The following GRM1 variants were observed in gnomAD, a reference collection of about 807,000 sequenced individuals.
GRM1 encodes glutamate metabotropic receptor 1.
A neutral mutation model predicts 90.9 loss-of-function variants in GRM1; 33 were observed. The ratio of observed to expected loss-of-function variants is 0.36; its 90% CI spans 0.28 to 0.49. The LOEUF is 0.49. Ranked by LOEUF, GRM1 falls within the 20% of genes least tolerant of loss-of-function variation. GRM1 has a pLI of 0.99. For synonymous variants in GRM1, 700 were observed against 613.2 expected, an observed-to-expected ratio of 1.14 and a Z score of -2.09; for missense variants, 1,190 against 1,534.3, an observed-to-expected ratio of 0.78 and a Z score of 3.75.
chr6:146,377,578 G>A (rs1380958619), intron 5 of GRM1, among the ~76,000 whole-genome samples: 1 of 152,134 alleles, frequency 6.6e-6, no homozygotes, highest in Non-Finnish European at 1.5e-5. Flanking sequence ...AAGTTTGGAA[G>A]ATTTGCAGCC....
intron 7 of GRM1, among the ~76,000 whole-genome samples, chr6:146,400,815 A>G (rs1245741976): frequency 6.6e-6 from 1 of 152,212 alleles, no homozygotes; most frequent in Non-Finnish European, 1.5e-5. Context: ...ACACATTGTT[A>G]ATAATCATTC....
intron 2 of GRM1, among the ~76,000 whole-genome samples, chr6:146,214,098 C>T (rs977166471): frequency 6.6e-5 from 10 of 152,018 alleles, no homozygotes; most frequent in African/African-American, 9.7e-5. Context: ...TTGAATGGTG[C>T]CTGGCCACTT....
chr6:146,144,123 C>T (rs1562490507), intron 1 of GRM1, among the ~76,000 whole-genome samples: 1 of 152,158 alleles, frequency 6.6e-6, no homozygotes, highest in African/African-American at 2.4e-5. Context: ...AATTTGGTGT[C>T]TGGTGAGAGC....
intron 7 of GRM1, among the ~76,000 whole-genome samples, chr6:146,425,581 T>C (rs1304298813): frequency 2.0e-5 from 3 of 152,184 alleles, no homozygotes; most frequent in Non-Finnish European, 4.4e-5. Flanking sequence ...ATAGAGAACA[T>C]TGATGAGTTT....
chr6:146,380,976 G>T (rs1008325189), intron 5 of GRM1, among the ~76,000 whole-genome samples: 5 of 152,128 alleles, frequency 3.3e-5, no homozygotes, highest in African/African-American at 1.2e-4. Flanking sequence ...TCCTGCTGTG[G>T]CTTAGCTGGT....
At chr6:146,223,159 A>G (rs1780128706) in intron 2 of GRM1, among the ~76,000 whole-genome samples, 1 of 152,074 alleles carries the variant, frequency 6.6e-6, no homozygotes. Context: ...ATACTCAGGT[A>G]TTGTAAAGAG....
chr6:146,077,615 G>A (rs147906574), intron 1 of GRM1, among the ~76,000 whole-genome samples: 6 of 152,272 alleles, frequency 3.9e-5, no homozygotes, highest in African/African-American at 1.4e-4. Context: ...GCCAATTACC[G>A]ACTGATTACA....
chr6:146,312,829 C>T (rs147277456), intron 3 of GRM1, among the ~76,000 whole-genome samples: 83 of 152,326 alleles, frequency 5.4e-4, no homozygotes, highest in Non-Finnish European at 1.0e-3. Flanking sequence ...TATGAGCCAA[C>T]GCTGCCAGCT....
intron 1 of GRM1, among the ~76,000 whole-genome samples, chr6:146,043,796 T>TATATATATATATATATATATAG (rs1554260527): frequency 6.5e-4 from 90 of 137,930 alleles, no homozygotes; most frequent in Middle Eastern, 3.8e-3. Context: ...TATATATATA[T>TATATATATATATATATATATAG]ATATATATAT....
chr6:146,343,322 TA>T (rs979190458), intron 3 of GRM1, among the ~76,000 whole-genome samples: 6 of 152,160 alleles, frequency 3.9e-5, no homozygotes, highest in African/African-American at 1.4e-4. Flanking sequence ...TATGGCTTTT[TA>T]AAAAAATGCT....
At chr6:146,275,450 T>A (rs182438547) in intron 2 of GRM1, among the ~76,000 whole-genome samples, 21 of 152,218 alleles carry the variant, frequency 1.4e-4, no homozygotes, top group Admixed American at 2.6e-4. Context: ...GTTCATTTCA[T>A]GGACTCCTCA....
rs568893544 is a variant in GRM1, at chr6:146,228,265, G to T, written c.950+68668G>T. On this transcript the variant is annotated intron_variant, in intron 2 of 7. Transcript: ENST00000282753. ...AAAGAAAAGAAATTTGTTTATTACA[G>T]TTCTGGAGGACAGAATGTCCCAGAG... Among the ~76,000 whole-genome samples the T allele has an allele frequency of 7.2e-5, 11 of 152,252 alleles. No homozygotes were observed. In the South Asian group the frequency reaches 2.3e-3, roughly 32 times the overall value.
intron 2 of GRM1, chr6:146,171,531 C>T (rs915376737): frequency 4.5e-6 from 1 of 220,182 alleles, no homozygotes; most frequent in African/African-American, 2.3e-5. Context: ...CCCGTGACAA[C>T]CCAGCTGTTA....
intron 3 of GRM1, among the ~76,000 whole-genome samples, chr6:146,329,687 A>G (rs1300782272): frequency 3.3e-5 from 5 of 152,212 alleles, no homozygotes; most frequent in South Asian, 2.1e-4. Context: ...TGAAAGTACT[A>G]TAAATCAAAA....
intron 2 of GRM1, among the ~76,000 whole-genome samples, chr6:146,246,218 C>T (rs1446968833): frequency 6.6e-6 from 1 of 152,202 alleles, no homozygotes; most frequent in Non-Finnish European, 1.5e-5. Context: ...CCTTCAACAA[C>T]TTAGCAACAG....
At chr6:146,145,506 G>A (rs1443323237) in intron 1 of GRM1, among the ~76,000 whole-genome samples, 1 of 152,150 alleles carries the variant, frequency 6.6e-6, no homozygotes, top group Admixed American at 6.5e-5. Context: ...GGCTCAAGTA[G>A]CCCTAGGTAC....
intron 3 of GRM1, among the ~76,000 whole-genome samples, chr6:146,315,341 T>G (rs1783930452): frequency 6.6e-6 from 1 of 152,072 alleles, no homozygotes; most frequent in East Asian, 1.9e-4. Context: ...GAGCTATGAT[T>G]GTGGCACTGC....
chr6:146,396,074 A>ATCTT, intron 6 of GRM1, among the ~76,000 whole-genome samples: 1 of 145,196 alleles, frequency 6.9e-6, no homozygotes, highest in Non-Finnish European at 1.5e-5. Flanking sequence ...TCCATCATCT[A>ATCTT]TCTATCTATC....
At chr6:146,221,556 T>C (rs1780062276) in intron 2 of GRM1, among the ~76,000 whole-genome samples, 1 of 152,202 alleles carries the variant, frequency 6.6e-6, no homozygotes, top group Non-Finnish European at 1.5e-5. Context: ...TAGTATTCTA[T>C]GGTGTATATG....
Sources: allele counts gnomAD v4.1 joint callset (sites outside exome capture counted in the v4.1 genomes callset), GRCh38; gene constraint gnomAD v4.1.1; transcripts MANE v1.5; gene names NCBI Gene and HGNC (gene_info 2026-07-23, HGNC 2026-07-21).